GABBR2: variants seen among roughly 807,000 people sequenced by gnomAD.
The protein encoded by GABBR2 is gamma-aminobutyric acid type B receptor subunit 2.
GABBR2 carries 23 observed loss-of-function variants against 105.6 expected under a neutral mutation model. That is an observed-to-expected ratio of 0.22 (90% CI 0.16 to 0.31). The LOEUF is 0.31. Ranked by LOEUF, GABBR2 falls within the 10% of genes least tolerant of loss-of-function variation. GABBR2 has a pLI of 1.00. For missense variants in GABBR2, 734 were observed against 1,245.5 expected (o/e 0.59, Z 6.18); for synonymous variants, 478 against 499.7 (o/e 0.96, Z 0.58).
intron 1 of GABBR2, among the ~76,000 whole-genome samples, chr9:98,613,681 C>T (rs1426870486): frequency 2.6e-5 from 4 of 152,150 alleles, no homozygotes; most frequent in East Asian, 1.9e-4. Flanking sequence ...TAACTGCATG[C>T]CTGGAATTCT....
At chr9:98,544,893 A>G (rs777832502) in intron 2 of GABBR2, among the ~76,000 whole-genome samples, 2 of 152,196 alleles carry the variant, frequency 1.3e-5, no homozygotes, top group African/African-American at 2.4e-5. Flanking sequence ...AAAGCTCTCT[A>G]TAGTCCCCTC....
chr9:98,687,933 G>A (rs972656606), intron 1 of GABBR2, among the ~76,000 whole-genome samples: 4 of 152,148 alleles, frequency 2.6e-5, no homozygotes, highest in East Asian at 1.9e-4. Flanking sequence ...GGGCATGTTC[G>A]ATGGTCTCAC....
intron 1 of GABBR2, among the ~76,000 whole-genome samples, chr9:98,603,193 AT>A (rs923868042): frequency 1.3e-5 from 2 of 152,138 alleles, no homozygotes; most frequent in African/African-American, 4.8e-5. Context: ...ACCTCATTTC[AT>A]TTGCCAAGGC....
intron 1 of GABBR2, among the ~76,000 whole-genome samples, chr9:98,665,865 G>A (rs1463756474): frequency 6.6e-6 from 1 of 152,166 alleles, no homozygotes; most frequent in East Asian, 1.9e-4. Flanking sequence ...TTGGAGACAA[G>A]TTGATTACAT....
intron 5 of GABBR2, among the ~76,000 whole-genome samples, chr9:98,479,598 C>T (rs940807113): frequency 4.6e-5 from 7 of 152,248 alleles, no homozygotes; most frequent in African/African-American, 1.2e-4. Context: ...AATAACCACA[C>T]GTGACCACGG....
At chr9:98,565,060 A>C (rs1828732243) in intron 2 of GABBR2, among the ~76,000 whole-genome samples, 1 of 152,176 alleles carries the variant, frequency 6.6e-6, no homozygotes. Context: ...ATGCCTTAGC[A>C]TGAGGGGAAA....
rs1433709065 is a variant in GABBR2, at chr9:98,436,382, TATATATATATATATATATATATATAG to T, written c.1236+17573_1236+17598del. Among the ~76,000 whole-genome samples, 103 of 55,322 alleles carry T rather than the reference TATATATATATATATATATATATATAG, an allele frequency of 1.9e-3. 5 individuals carry two copies. The highest frequency in any genetic ancestry group is 7.5e-3 in the East Asian group (5 of 664). 36.3% of individuals were successfully genotyped at this position (55,322 alleles called of 152,430 possible). A position where few individuals can be genotyped will look rare whatever the true frequency, so the allele number is the denominator to read the frequency against. On this transcript the variant is annotated intron_variant, in intron 7 of 18. Coordinates refer to ENST00000259455, the MANE Select transcript of GABBR2 (RefSeq NM_005458.8). Reference sequence around the variant, plus strand: ...ATATATATATATATATATATATATATATATATATATATATATATATATATAGTATGGCGTTCTTTCTTCTACTACCA... The same window carrying T: ...ATATATATATATATATATATATATATTATGGCGTTCTTTCTTCTACTACCA...
chr9:98,561,765 T>C (rs1223429582), intron 2 of GABBR2, among the ~76,000 whole-genome samples: 1 of 152,132 alleles, frequency 6.6e-6, no homozygotes, highest in Non-Finnish European at 1.5e-5. Flanking sequence ...GTGCCTATAA[T>C]CCCAGCTACT....
At chr9:98,622,341 T>A (rs1431096970) in intron 1 of GABBR2, among the ~76,000 whole-genome samples, 2 of 152,066 alleles carry the variant, frequency 1.3e-5, no homozygotes. Context: ...ATTTTTGTAT[T>A]TTTTTGTAGG....
chr9:98,566,489 C>T (rs1483479656), intron 2 of GABBR2, among the ~76,000 whole-genome samples: 1 of 152,070 alleles, frequency 6.6e-6, no homozygotes, highest in Non-Finnish European at 1.5e-5. Flanking sequence ...TCCTGGCTAA[C>T]ACTGTGAAAC....
chr9:98,344,402 C>G (rs188986247), intron 13 of GABBR2, among the ~76,000 whole-genome samples: 29 of 152,292 alleles, frequency 1.9e-4, no homozygotes, highest in Admixed American at 1.8e-3. Flanking sequence ...TCTACACCTG[C>G]TATATCTGAA....
chr9:98,483,706 T>C (rs766885386), intron 4 of GABBR2, among the ~76,000 whole-genome samples: 1 of 152,104 alleles, frequency 6.6e-6, no homozygotes, highest in Non-Finnish European at 1.5e-5. Flanking sequence ...CTCCTCCCAC[T>C]TACTTTGCCC....
intron 12 of GABBR2, among the ~76,000 whole-genome samples, chr9:98,367,432 A>G (rs1831702209): frequency 6.6e-6 from 1 of 152,288 alleles, no homozygotes; most frequent in South Asian, 2.1e-4. Context: ...AGTCAAATTC[A>G]TAGAAAGGAG....
chr9:98,443,287 C>A (rs1435502416), intron 7 of GABBR2, among the ~76,000 whole-genome samples: 1 of 152,192 alleles, frequency 6.6e-6, no homozygotes, highest in African/African-American at 2.4e-5. Flanking sequence ...TAAGCTGATA[C>A]ACTCCCCCAC....
At position 98,667,763 on chromosome 9, in the gene GABBR2, C is replaced by T. The variant is rs369871186; in HGVS notation, c.321+40654G>A. Among the ~76,000 whole-genome samples the T allele has an allele frequency of 1.9e-4, 29 of 152,318 alleles. 1 individual carries two copies. Among genetic ancestry groups the T allele is most frequent in the Admixed American group, 1.2e-3 (18 of 15,308 alleles). On this transcript the variant is annotated intron_variant, in intron 1 of 18. Transcript: ENST00000259455. ...ACGCACATCTGTTTGGAGCCAGTTT[C>T]CCGAGAAATCTGACCTGTGTTGTAA...
At chr9:98,354,349 A>C (rs1047640606) in intron 13 of GABBR2, among the ~76,000 whole-genome samples, 2 of 152,238 alleles carry the variant, frequency 1.3e-5, no homozygotes, top group African/African-American at 4.8e-5. Flanking sequence ...ATTAGCTCTT[A>C]ACAAGAGAGT....
intron 3 of GABBR2, among the ~76,000 whole-genome samples, chr9:98,527,709 C>T (rs10760389): frequency 0.77 from 116,875 of 151,768 alleles, 45,370 homozygotes; most frequent in Middle Eastern, 0.91. Context: ...CAACAAGAAA[C>T]GTTCCATATG....
At chr9:98,562,690 G>T (rs1024188495) in intron 2 of GABBR2, among the ~76,000 whole-genome samples, 2 of 152,168 alleles carry the variant, frequency 1.3e-5, no homozygotes, top group African/African-American at 4.8e-5. Context: ...GATGTTCATT[G>T]TACTTTAACT....
intron 1 of GABBR2, among the ~76,000 whole-genome samples, chr9:98,700,100 A>G (rs337541): frequency 0.81 from 123,628 of 152,090 alleles, 51,166 homozygotes; most frequent in Middle Eastern, 0.91. Context: ...GCTGGGCTAT[A>G]CCACGTGTAA....
Sources: gnomAD v4.1 joint callset for allele counts (sites outside exome capture counted in the v4.1 genomes callset) on GRCh38, gnomAD v4.1.1 for gene constraint, MANE v1.5 for transcripts, NCBI Gene and HGNC (gene_info 2026-07-23, HGNC 2026-07-21) for gene names.